Variants in MACROD2 observed in about 807,000 individuals in gnomAD.
MACROD2 encodes mono-ADP ribosylhydrolase 2, also known as ADP-ribose glycohydrolase MACROD2.
A neutral mutation model predicts 70.4 loss-of-function variants in MACROD2; 36 were observed. The ratio of observed to expected loss-of-function variants is 0.51; its 90% CI spans 0.39 to 0.68. The LOEUF (loss-of-function observed/expected upper bound fraction) is 0.68. Ranked by LOEUF, MACROD2 falls within the 30% of genes least tolerant of loss-of-function variation. The probability of loss-of-function intolerance (pLI) is 0.00; values close to 1 mark genes in which losing one functional copy is unlikely to be tolerated. For missense variants in MACROD2, 496 were observed against 538.4 expected, an observed-to-expected ratio of 0.92 and a Z score of 0.78; for synonymous variants, 172 against 178.8, an observed-to-expected ratio of 0.96 and a Z score of 0.30.
Position 14,326,234 on chromosome 20 carries a change from T to C in MACROD2, c.272-167245T>C. 1 of 1,613,896 alleles carries C rather than the reference T, an allele frequency of 6.2e-7. No homozygotes were observed. Among genetic ancestry groups the C allele is most frequent in the South Asian group, 1.1e-5 (1 of 91,086 alleles). ...ATAGGTAGAGCAAGTTTCCAAGAGA[T>C]ATGAATGGTATCAGAGGTGACAGAC... On this transcript the variant is annotated intron_variant, in intron 3 of 17. Coordinates refer to ENST00000684519, the MANE Select transcript of MACROD2 (RefSeq NM_001351661.2). This position sits in a 1 kb window ranked among gnomAD's most constrained non-coding sequence, Gnocchi z 5.5.
intron 4 of MACROD2, among the ~76,000 whole-genome samples, chr20:14,550,827 G>T (rs922733154): frequency 1.3e-4 from 20 of 152,108 alleles, no homozygotes; most frequent in Admixed American, 1.1e-3. Context: ...AGGAGGCATA[G>T]TAGAGTGTGA....
At chr20:14,330,764 A>G (rs902587982) in intron 3 of MACROD2, among the ~76,000 whole-genome samples, 6 of 152,230 alleles carry the variant, frequency 3.9e-5, no homozygotes, top group African/African-American at 1.4e-4. Flanking sequence ...TTTTACTGTG[A>G]TGCCTTTAGG....
At chr20:15,563,770 A>T (rs1452081272) in intron 8 of MACROD2, among the ~76,000 whole-genome samples, 25 of 152,222 alleles carry the variant, frequency 1.6e-4, no homozygotes, top group Admixed American at 1.6e-3. Context: ...TTTAAAAAGT[A>T]GTTTGAAAGA....
chr20:14,304,941 T>C (rs1468819619), intron 3 of MACROD2, among the ~76,000 whole-genome samples: 1 of 152,150 alleles, frequency 6.6e-6, no homozygotes, highest in Admixed American at 6.5e-5. Context: ...TGTCTAATGC[T>C]CTTCCACTAG....
intron 2 of MACROD2, among the ~76,000 whole-genome samples, chr20:14,007,837 G>A (rs1239021436): frequency 6.6e-6 from 1 of 152,110 alleles, no homozygotes; most frequent in Admixed American, 6.6e-5. Context: ...AGCAGCTATG[G>A]CTATAAGTTT....
At chr20:15,234,541 A>G (rs1029519985) in intron 6 of MACROD2, among the ~76,000 whole-genome samples, 1 of 152,172 alleles carries the variant, frequency 6.6e-6, no homozygotes, top group Non-Finnish European at 1.5e-5. Context: ...AAAAAGACCC[A>G]GGTTGAATCC....
At chr20:14,140,833 G>A (rs2054862916) in intron 3 of MACROD2, among the ~76,000 whole-genome samples, 2 of 152,170 alleles carry the variant, frequency 1.3e-5, no homozygotes, top group Non-Finnish European at 2.9e-5. Flanking sequence ...GAGAGAGGCA[G>A]CTGGTGGGCT....
intron 2 of MACROD2, among the ~76,000 whole-genome samples, chr20:14,066,040 T>G (rs766330961): frequency 3.3e-5 from 5 of 152,190 alleles, no homozygotes; most frequent in Non-Finnish European, 7.3e-5. Flanking sequence ...GTTCTGTGGA[T>G]TACATTTTTT....
In MACROD2 at chr20:15,894,991, C is replaced by T. The variant is rs144965288; in HGVS notation, c.775+9180C>T. Among the ~76,000 whole-genome samples the T allele has an allele frequency of 1.7e-4, 26 of 152,316 alleles. No individual in the cohort carries two copies. The East Asian group carries it at 5.0e-3, about 29-fold the overall frequency. On this transcript the variant is annotated intron_variant, in intron 10 of 17. Coordinates refer to ENST00000684519, the MANE Select transcript of MACROD2 (RefSeq NM_001351661.2). ...ATGAGCTGGGGCAAAGCAATACTCACCTTTCCCCTAGAGAAACTCTACCTC... is the reference window on the plus strand; with the variant it reads ...ATGAGCTGGGGCAAAGCAATACTCATCTTTCCCCTAGAGAAACTCTACCTC...
intron 9 of MACROD2, among the ~76,000 whole-genome samples, 172 bp from the exon 10 acceptor site, chr20:15,885,589 TTTC>T (rs2064811640): frequency 6.6e-6 from 1 of 152,184 alleles, no homozygotes; most frequent in Non-Finnish European, 1.5e-5. Flanking sequence ...ATGTGTATAC[TTTC>T]TTCTTAACTT....
At chr20:14,782,413 T>A (rs2072312977) in intron 5 of MACROD2, among the ~76,000 whole-genome samples, 1 of 152,138 alleles carries the variant, frequency 6.6e-6, no homozygotes, top group African/African-American at 2.4e-5. Context: ...TAGTATATGT[T>A]GTCATTACTG....
At chr20:15,901,384 G>C (rs1184784920) in intron 10 of MACROD2, among the ~76,000 whole-genome samples, 1 of 152,040 alleles carries the variant, frequency 6.6e-6, no homozygotes, top group Non-Finnish European at 1.5e-5. Flanking sequence ...GAAATCTTTG[G>C]TTTTGAATTT....
chr20:14,519,656 G>A (rs982497721), intron 4 of MACROD2, among the ~76,000 whole-genome samples: 3 of 152,094 alleles, frequency 2.0e-5, no homozygotes, highest in Non-Finnish European at 4.4e-5. Context: ...AAGCAGTTTG[G>A]CGATTCCTCA....
chr20:14,852,717 G>A (rs1173655151), intron 5 of MACROD2, among the ~76,000 whole-genome samples: 1 of 152,126 alleles, frequency 6.6e-6, no homozygotes, highest in Non-Finnish European at 1.5e-5. Flanking sequence ...GAGGGCAATG[G>A]GAAATCATAC....
intron 6 of MACROD2, among the ~76,000 whole-genome samples, chr20:15,358,636 C>T (rs1275090885): frequency 6.6e-6 from 1 of 152,092 alleles, no homozygotes; most frequent in Non-Finnish European, 1.5e-5. Flanking sequence ...TTAGCTTGGG[C>T]TTCTAAAACA....
chr20:14,206,657 T>G lies in MACROD2; in HGVS notation c.271+120929T>G, dbSNP rs2081526194. Among the ~76,000 whole-genome samples, 4 of 140,666 alleles carry G rather than the reference T, an allele frequency of 2.8e-5. No individual in the cohort carries two copies. The South Asian group carries it at 9.1e-4, about 32-fold the overall frequency. 92.3% of individuals were successfully genotyped at this position (140,666 alleles called of 152,430 possible). ...TTTTCATCCCACCATCCCATGAGGCTTTTTTTTTTTTTTAAGTCAGTTACT... is the reference window on the plus strand; with the variant it reads ...TTTTCATCCCACCATCCCATGAGGCGTTTTTTTTTTTTTAAGTCAGTTACT... On this transcript the variant is annotated intron_variant, in intron 3 of 17. Transcript: ENST00000684519.
intron 5 of MACROD2, among the ~76,000 whole-genome samples, chr20:15,227,181 G>C (rs1344848051): frequency 6.6e-6 from 1 of 152,078 alleles, no homozygotes; most frequent in Admixed American, 6.6e-5. Context: ...TTTATCCTCA[G>C]TCCTTTAAAT....
intron 17 of MACROD2, 76 bp from the exon 18 acceptor site, chr20:16,049,754 T>C: frequency 6.8e-7 from 1 of 1,480,942 alleles, no homozygotes; most frequent in Non-Finnish European, 9.4e-7. Flanking sequence ...AATGGCTGTA[T>C]TAAAAATGTA....
intron 8 of MACROD2, among the ~76,000 whole-genome samples, chr20:15,774,829 C>G (rs1295390892): frequency 1.3e-5 from 2 of 152,082 alleles, no homozygotes; most frequent in Non-Finnish European, 2.9e-5. Context: ...GTGTTAATGA[C>G]TTTCTAAGAA....
Sources: allele counts gnomAD v4.1 joint callset (sites outside exome capture counted in the v4.1 genomes callset), GRCh38; gene constraint gnomAD v4.1.1; non-coding constraint Gnocchi (gnomAD v3.1); transcripts MANE v1.5; gene names NCBI Gene and HGNC (gene_info 2026-07-23, HGNC 2026-07-21).